The following GPX8 variants were observed in gnomAD, a reference collection of about 807,000 sequenced individuals.
The protein encoded by GPX8 is protein peroxidase GPX8.
In GPX8, 12 loss-of-function variants were observed where a neutral mutation model predicts 17.8. The observed-to-expected ratio is 0.67, with a 90% CI of 0.43 to 1.09. GPX8 has a LOEUF of 1.09. Among genes scored for constraint, GPX8 ranks in the 50% least tolerant of loss-of-function variants. The probability of loss-of-function intolerance (pLI) is 0.00; values close to 1 mark genes in which losing one functional copy is unlikely to be tolerated. For missense variants in GPX8, 209 were observed against 235.6 expected, an observed-to-expected ratio of 0.89 and a Z score of 0.74; for synonymous variants, 86 against 88.1, an observed-to-expected ratio of 0.98 and a Z score of 0.14.
chr5:55,161,712 T>C (rs1359869485), intron 2 of GPX8, among the ~76,000 whole-genome samples: 1 of 152,252 alleles, frequency 6.6e-6, no homozygotes, highest in African/African-American at 2.4e-5. Context: ...AAGATGAATA[T>C]GTCAGCTTAC....
At chr5:55,160,827 C>A in intron 1 of GPX8, 167 bp from the exon 2 acceptor site, 1 of 637,624 alleles carries the variant, frequency 1.6e-6, no homozygotes, top group Non-Finnish European at 2.6e-6. Context: ...TTAACCCAGG[C>A]ATCTAGGTTA....
chr5:55,163,528 C>A (rs891253570), intron 2 of GPX8, among the ~76,000 whole-genome samples: 1 of 151,816 alleles, frequency 6.6e-6, no homozygotes, highest in Non-Finnish European at 1.5e-5. Context: ...TTATTTGACA[C>A]AGAGTTTCAC....
rs774607635 is a variant in GPX8, at chr5:55,167,134, T to C, written c.*2916T>C. The C allele has an allele frequency of 3.3e-5, 5 of 152,136 alleles. No homozygotes were observed. Among genetic ancestry groups the C allele is most frequent in the Non-Finnish European group, 5.9e-5 (4 of 68,012 alleles). The allele number at this position is 152,136 out of a possible 1,614,324, so 9.4% of individuals were successfully genotyped here. On this transcript the variant is annotated 3_prime_UTR_variant, in exon 3 of 3. Coordinates refer to ENST00000503787, the MANE Select transcript of GPX8 (RefSeq NM_001008397.4). ...CTTGTGAAAAAGGAAAAGGACAAAA[T>C]CAAATGCATTTTAACTGTGGTAACT...
In GPX8 at chr5:55,166,746, G is replaced by A. The variant is rs1282825945; in HGVS notation, c.*2528G>A. ...CTGTAACAGAAAAATATCAACATCA[G>A]AGCCTGGCACAGTGGCTCACACCGG... On this transcript the variant is annotated 3_prime_UTR_variant, in exon 3 of 3. Coordinates refer to ENST00000503787, the MANE Select transcript of GPX8 (RefSeq NM_001008397.4). The A allele has an allele frequency of 6.6e-6, 1 of 152,272 alleles. No homozygotes were observed. Among genetic ancestry groups the A allele is most frequent in the Admixed American group, 6.6e-5 (1 of 15,252 alleles). The allele number at this position is 152,272 out of a possible 1,614,324, so 9.4% of individuals were successfully genotyped here. A position where few individuals can be genotyped will look rare whatever the true frequency, so the allele number is the denominator to read the frequency against.
In GPX8 at chr5:55,160,284, C is replaced by T. The variant is rs781053386; in HGVS notation, c.92C>T (p.Thr31Met). The change falls in exon 1 of 3, where the codon ACG (threonine) becomes ATG (methionine). Residue 31 changes from threonine (T) to methionine (M), a missense_variant. By Grantham distance (81) the Thr-to-Met change is moderately conservative. Coordinates refer to ENST00000503787, the MANE Select transcript of GPX8 (RefSeq NM_001008397.4). ...CTGTCTATAGTTCTATGCACAGTAA[C>T]GCTATTTCTTCTACAACTAAAATTC... ...VLLSIVLCTV[T>M]LFLLQLKFLK... 4.3e-6 allele frequency: 7 copies of T among 1,613,286 alleles called. No individual in the cohort carries two copies. In the East Asian group the frequency reaches 1.3e-4, roughly 31 times the overall value.
chr5:55,161,652 T>C (rs557452430), intron 2 of GPX8, among the ~76,000 whole-genome samples: 2 of 152,368 alleles, frequency 1.3e-5, no homozygotes, highest in African/African-American at 4.8e-5. Context: ...AGTTAACATA[T>C]GTTTGTGGCT....
intron 1 of GPX8, 93 bp from the exon 2 acceptor site, chr5:55,160,901 C>G (rs900839069): frequency 5.0e-5 from 63 of 1,271,648 alleles, no homozygotes; most frequent in Admixed American, 7.8e-5. Flanking sequence ...AGGTTATAGT[C>G]CCCCCCAAAT....
At position 55,167,219 on chromosome 5, in the gene GPX8, C is replaced by T. The variant is rs999001460; in HGVS notation, c.*3001C>T. On this transcript the variant is annotated 3_prime_UTR_variant, in exon 3 of 3. Coordinates refer to ENST00000503787, the MANE Select transcript of GPX8 (RefSeq NM_001008397.4). The stretch of plus-strand genomic sequence containing the variant: ...CTTTGGTGCGTAGAGAAGAATACTT[C>T]ATACTAACTCCTGATCATCTTACAG... 5 of 152,284 alleles carry T rather than the reference C, an allele frequency of 3.3e-5. No individual in the cohort carries two copies. The East Asian group carries it at 9.6e-4, about 29-fold the overall frequency. The allele number at this position is 152,284 out of a possible 1,614,324, so 9.4% of individuals were successfully genotyped here. A position where few individuals can be genotyped will look rare whatever the true frequency, so the allele number is the denominator to read the frequency against.
rs181540054 is a variant in GPX8, at chr5:55,166,388, A to G, written c.*2170A>G. The G allele has an allele frequency of 2.6e-5, 4 of 152,284 alleles. No individual in the cohort carries two copies. The highest frequency in any genetic ancestry group is 7.2e-5 in the African/African-American group (3 of 41,554). The allele number at this position is 152,284 out of a possible 1,614,324, so 9.4% of individuals were successfully genotyped here. A position where few individuals can be genotyped will look rare whatever the true frequency, so the allele number is the denominator to read the frequency against. On this transcript the variant is annotated 3_prime_UTR_variant, in exon 3 of 3. Coordinates refer to ENST00000503787, the MANE Select transcript of GPX8 (RefSeq NM_001008397.4). ...CTGCCTTATTCAACCTACAGACTCT[A>G]TGTCAGTGCTGGATTTTCTCCCCTT...
chr5:55,160,733 A>G, intron 1 of GPX8: 1 of 473,156 alleles, frequency 2.1e-6, no homozygotes, highest in Non-Finnish European at 3.7e-6. Flanking sequence ...AGAACTTATC[A>G]AGGATCATAG....
rs936427613 is a variant in GPX8, at chr5:55,163,920, G to A, written c.467-135G>A. The A allele has an allele frequency of 8.9e-6, 5 of 562,568 alleles. No individual in the cohort carries two copies. In the Admixed American group the frequency reaches 1.1e-4, roughly 12 times the overall value. The allele number at this position is 562,568 out of a possible 1,614,324, so 34.8% of individuals were successfully genotyped here. A position where few individuals can be genotyped will look rare whatever the true frequency, so the allele number is the denominator to read the frequency against. On this transcript the variant is annotated intron_variant, in intron 2 of 2. Coordinates refer to ENST00000503787, the MANE Select transcript of GPX8 (RefSeq NM_001008397.4). ...TCTAACCTTGAGTTTCACTTCGTTTGGGTGTTTTGTTTTTTATATTATGAC... is the reference window on the plus strand; with the variant it reads ...TCTAACCTTGAGTTTCACTTCGTTTAGGTGTTTTGTTTTTTATATTATGAC...
chr5:55,160,930 C>T, intron 1 of GPX8, 64 bp from the exon 2 acceptor site: 1 of 1,532,490 alleles, frequency 6.5e-7, no homozygotes, highest in Non-Finnish European at 8.8e-7. Context: ...ATTTTAACTA[C>T]TTGCAGAATT....
At chr5:55,161,783 G>A (rs1307723412) in intron 2 of GPX8, among the ~76,000 whole-genome samples, 1 of 152,146 alleles carries the variant, frequency 6.6e-6, no homozygotes, top group Non-Finnish European at 1.5e-5. Flanking sequence ...AGTAGTGTTA[G>A]GCTATTTCTC....
At position 55,167,165 on chromosome 5, in the gene GPX8, A is replaced by T. The variant is rs1744439986; in HGVS notation, c.*2947A>T. On this transcript the variant is annotated 3_prime_UTR_variant, in exon 3 of 3. Coordinates refer to ENST00000503787, the MANE Select transcript of GPX8 (RefSeq NM_001008397.4). Reference sequence around the variant, plus strand: ...GCATTTTAACTGTGGTAACTAATTCACTGACTTGAAGTTTGCTTTGTTTGT... The same window carrying T: ...GCATTTTAACTGTGGTAACTAATTCTCTGACTTGAAGTTTGCTTTGTTTGT... 2 of 152,204 alleles carry T rather than the reference A, an allele frequency of 1.3e-5. No homozygotes were observed. Among genetic ancestry groups the T allele is most frequent in the African/African-American group, 4.8e-5 (2 of 41,452 alleles). 9.4% of individuals were successfully genotyped at this position (152,204 alleles called of 1,614,324 possible). A position where few individuals can be genotyped will look rare whatever the true frequency, so the allele number is the denominator to read the frequency against.
In GPX8 at chr5:55,164,139, A is replaced by G; in HGVS notation, c.551A>G (p.Glu184Gly). Reference protein sequence around the residue: ...EGQVVKFWKPEEPIEVIRPDI... With the variant: ...EGQVVKFWKPGEPIEVIRPDI... ...CAAGTTGTGAAGTTCTGGAAGCCAG[A>G]GGAGCCCATTGAAGTCATCAGGCCT... The change falls in exon 3 of 3, where the codon GAG becomes GGG. Residue 184 changes from glutamate (E) to glycine (G), a missense_variant. By Grantham distance (98) the Glu-to-Gly change is moderately conservative. Coordinates refer to ENST00000503787, the MANE Select transcript of GPX8 (RefSeq NM_001008397.4). 6.2e-7 allele frequency: 1 copy of G among 1,605,764 alleles called. No individual in the cohort carries two copies. The highest frequency in any genetic ancestry group is 8.5e-7 in the Non-Finnish European group (1 of 1,174,224).
Position 55,160,847 on chromosome 5 carries a change from A to G in GPX8, c.205-147A>G. ...CCAGGCATCTAGGTTACAGTTTTCA[A>G]TAGAACTGTGTATGTCCAAAAATAT... is the stretch of plus-strand genomic sequence containing the variant. On this transcript the variant is annotated intron_variant, in intron 1 of 2. Transcript: ENST00000503787. 21 of 826,362 alleles carry G rather than the reference A, an allele frequency of 2.5e-5. No individual in the cohort carries two copies. The South Asian group carries it at 4.0e-4, about 16-fold the overall frequency. 51.2% of individuals were successfully genotyped at this position (826,362 alleles called of 1,614,324 possible).
intron 1 of GPX8, 57 bp from the exon 2 acceptor site, chr5:55,160,937 A>G: frequency 6.4e-7 from 1 of 1,559,838 alleles, no homozygotes; most frequent in Non-Finnish European, 8.6e-7. Flanking sequence ...CTACTTGCAG[A>G]ATTTTTTAAA....
Position 55,165,164 on chromosome 5 carries a change from TC to T in GPX8, c.*948del, listed in dbSNP as rs1158944309. The T allele has an allele frequency of 6.6e-6, 1 of 152,128 alleles. No homozygotes were observed. The highest frequency in any genetic ancestry group is 2.4e-5 in the African/African-American group (1 of 41,432). The allele number at this position is 152,128 out of a possible 1,614,324, so 9.4% of individuals were successfully genotyped here. On this transcript the variant is annotated 3_prime_UTR_variant, in exon 3 of 3. Transcript: ENST00000503787. ...GATAGCTGAAATAGTAAAAGTCAAC[TC>T]CAAACAGCCTAAATTCTAGTATAAA...
At chr5:55,162,090 CAAAAAAAAAAAAAA>C (rs34286995) in intron 2 of GPX8, among the ~76,000 whole-genome samples, 2 of 90,730 alleles carry the variant, frequency 2.2e-5, no homozygotes, top group Non-Finnish European at 4.5e-5. Context: ...CCATATTAGT[CAAAAAAAAAAAAAA>C]AAAAAAAAAG....
Sources: gnomAD v4.1 joint callset for allele counts (sites outside exome capture counted in the v4.1 genomes callset) on GRCh38, gnomAD v4.1.1 for gene constraint, MANE v1.5 for transcripts, NCBI Gene and HGNC (gene_info 2026-07-23, HGNC 2026-07-21) for gene names.